The following SSUH2 variants were observed in gnomAD, a reference collection of about 807,000 sequenced individuals.
The protein encoded by SSUH2 is ssu-2 homolog, also known as protein SSUH2 homolog.
Under a neutral mutation model 55.3 loss-of-function variants are expected in SSUH2, and 47 were observed. The ratio of observed to expected loss-of-function variants is 0.85; its 90% CI spans 0.67 to 1.08. The LOEUF is 1.08. Ranked by LOEUF, SSUH2 falls within the 50% of genes least tolerant of loss-of-function variation. The pLI is 0.00. For synonymous variants in SSUH2, 212 were observed against 191.5 expected, an observed-to-expected ratio of 1.11 and a Z score of -0.89; for missense variants, 535 against 490.7, an observed-to-expected ratio of 1.09 and a Z score of -0.85.
Position 8,640,700 on chromosome 3 carries a change from T to C in SSUH2, c.28+4031A>G, listed in dbSNP as rs142067883. On this transcript the variant is annotated intron_variant, in intron 1 of 11. Coordinates refer to ENST00000544814, the MANE Select transcript of SSUH2 (RefSeq NM_001256748.3). ...GGCAAGCCTGCTGGAGAGAGAAGCA[T>C]GAATAGTTGGTTTGGGAGCCATTGA... Among the ~76,000 whole-genome samples, 391 of 152,032 alleles carry C rather than the reference T, an allele frequency of 2.6e-3. 1 individual carries two copies. Among genetic ancestry groups the C allele is most frequent in the African/African-American group, 8.8e-3 (363 of 41,442 alleles).
At chr3:8,673,151 G>A (rs192217253) in intron 3 of SSUH2, among the ~76,000 whole-genome samples, 16 of 151,774 alleles carry the variant, frequency 1.1e-4, no homozygotes, top group Admixed American at 7.2e-4. Flanking sequence ...GTTTTCTAAT[G>A]AATAAGATCA....
intron 7 of SSUH2, among the ~76,000 whole-genome samples, chr3:8,652,255 C>T (rs187228585): frequency 5.9e-5 from 9 of 152,366 alleles, no homozygotes; most frequent in African/African-American, 1.7e-4. Context: ...ATCTTCCTCC[C>T]TCTGCACCTG....
At chr3:8,623,273 C>T (rs573005242) in intron 11 of SSUH2, among the ~76,000 whole-genome samples, 1 of 152,368 alleles carries the variant, frequency 6.6e-6, no homozygotes, top group South Asian at 2.1e-4. Flanking sequence ...TCAAAAATCC[C>T]ATGACACCAC....
chr3:8,661,916 TGGATAAG>T lies in SSUH2; in HGVS notation c.-396+1821_-396+1827del, dbSNP rs528307775. The stretch of plus-strand genomic sequence containing the variant: ...TCCCCTCATATTTTTCTTGTGGTAG[TGGATAAG>T]TCTCATGAAATCCGACGTTTCCCCT... On this transcript the variant is annotated intron_variant, in intron 6 of 18. Coordinates refer to the SSUH2 transcript ENST00000317371. Among the ~76,000 whole-genome samples the T allele has an allele frequency of 4.2e-4, 64 of 152,324 alleles. No homozygotes were observed. The South Asian group carries it at 5.2e-3, about 12-fold the overall frequency.
At chr3:8,633,547 C>A (rs937109132) in intron 4 of SSUH2, 119 bp downstream of exon 4, 7 of 763,124 alleles carry the variant, frequency 9.2e-6, no homozygotes, top group Admixed American at 3.3e-5. Context: ...CACACTCAAA[C>A]ACACTGCCCC....
chr3:8,635,045 G>C (rs539202028), intron 3 of SSUH2, among the ~76,000 whole-genome samples: 1 of 152,234 alleles, frequency 6.6e-6, no homozygotes, highest in Non-Finnish European at 1.5e-5. Flanking sequence ...CAGTGGACTG[G>C]ATTTGGCCCA....
intron 1 of SSUH2, among the ~76,000 whole-genome samples, chr3:8,642,162 A>T (rs6768226): frequency 6.6e-6 from 1 of 152,086 alleles, no homozygotes; most frequent in Non-Finnish European, 1.5e-5. Flanking sequence ...ATTTCTGGAA[A>T]AGGTTTCAGT....
chr3:8,629,664 C>CAGTGGTTCACAGATGACTCACCA lies in SSUH2; in HGVS notation c.587_588insTGGTGAGTCATCTGTGAACCACT (p.Val197GlyfsTer145). ...CACCAGTGGTTCACAGATGACTCAC[C>CAGTGGTTCACAGATGACTCACCA]GTGCCCGCCCCGTGGCAGCCGCTGC... On this transcript the variant is annotated frameshift_variant and splice_region_variant, in exon 7 of 12. Coordinates refer to ENST00000544814, the MANE Select transcript of SSUH2 (RefSeq NM_001256748.3). LOFTEE classifies it high-confidence loss of function. 6.2e-7 allele frequency: 1 copy of CAGTGGTTCACAGATGACTCACCA among 1,613,710 alleles called. No individual in the cohort carries two copies. The highest frequency in any genetic ancestry group is 8.5e-7 in the Non-Finnish European group (1 of 1,179,714).
At chr3:8,656,865 T>G (rs544628606) in intron 7 of SSUH2, among the ~76,000 whole-genome samples, 84 of 109,718 alleles carry the variant, frequency 7.7e-4, no homozygotes, top group African/African-American at 2.6e-3. Flanking sequence ...ATTTTTTGGT[T>G]TGTTTGTTTG....
intron 7 of SSUH2, among the ~76,000 whole-genome samples, chr3:8,653,387 G>A (rs1046117333): frequency 3.9e-5 from 6 of 152,176 alleles, no homozygotes; most frequent in African/African-American, 1.4e-4. Flanking sequence ...ATGTCCACAT[G>A]TCAATTTACA....
chr3:8,679,281 G>GC (rs1705765974), intron 2 of SSUH2, among the ~76,000 whole-genome samples: 1 of 72,880 alleles, frequency 1.4e-5, no homozygotes, highest in Non-Finnish European at 3.1e-5. Flanking sequence ...GACCCCCATC[G>GC]GAGGGGGGGA....
chr3:8,651,824 C>T (rs1156558101), intron 7 of SSUH2, among the ~76,000 whole-genome samples: 1 of 152,146 alleles, frequency 6.6e-6, no homozygotes, highest in South Asian at 2.1e-4. Flanking sequence ...CTCCCCATGC[C>T]AGCTCCTCCC....
At chr3:8,665,284 G>C (rs567497564) in intron 5 of SSUH2, among the ~76,000 whole-genome samples, 2 of 152,174 alleles carry the variant, frequency 1.3e-5, no homozygotes, top group Non-Finnish European at 2.9e-5. Flanking sequence ...AGAAGGGGAA[G>C]AGAGAAGAAA....
At chr3:8,620,309 G>C (rs558936343) in intron 11 of SSUH2, among the ~76,000 whole-genome samples, 1 of 152,272 alleles carries the variant, frequency 6.6e-6, no homozygotes, top group African/African-American at 2.4e-5. Context: ...ATAAAAGGCA[G>C]TTCTCCTGCA....
intron 6 of SSUH2, chr3:8,659,764 T>G (rs577710896): frequency 2.2e-6 from 1 of 456,524 alleles, no homozygotes; most frequent in African/African-American, 2.0e-5. Context: ...GGGTATTTAT[T>G]GTGTGCAGTG....
chr3:8,659,660 C>T, intron 6 of SSUH2: 1 of 415,696 alleles, frequency 2.4e-6, no homozygotes, highest in African/African-American at 2.0e-5. Context: ...GTCCCCTGAC[C>T]CAAACCCTCA....
At chr3:8,667,983 C>T (rs2125394919) in intron 5 of SSUH2, among the ~76,000 whole-genome samples, 1 of 152,246 alleles carries the variant, frequency 6.6e-6, no homozygotes, top group Middle Eastern at 3.4e-3. Context: ...CAGGCTCTCA[C>T]TCCAGCCTGG....
intron 7 of SSUH2, among the ~76,000 whole-genome samples, chr3:8,649,999 C>A (rs112175424): frequency 0.02 from 3,065 of 152,300 alleles, 53 homozygotes; most frequent in Admixed American, 0.048. Flanking sequence ...CCACCAGCCT[C>A]CTCATCGTTC....
rs114814406 is a variant in SSUH2 at position 8,638,364 on chromosome 3, T to C, written c.29-2507A>G. 7.1e-3 allele frequency among the ~76,000 whole-genome samples: 1,080 copies of C among 152,290 alleles called. 10 individuals are homozygous for C. Among genetic ancestry groups the C allele is most frequent in the African/African-American group, 0.025 (1,027 of 41,564 alleles). On this transcript the variant is annotated intron_variant, in intron 1 of 11. Transcript: ENST00000544814. ...CTGACAATAAGAAATACTATCTGCC[T>C]CTCTAAGGTCTTTTCCTCCTGGCAG...
Sources: gnomAD v4.1 joint callset for allele counts (sites outside exome capture counted in the v4.1 genomes callset) on GRCh38, gnomAD v4.1.1 for gene constraint, MANE v1.5 for transcripts, NCBI Gene and HGNC (gene_info 2026-07-23, HGNC 2026-07-21) for gene names.